The following OPCML variants were observed in gnomAD, a reference collection of about 807,000 sequenced individuals.
OPCML encodes opioid binding protein/cell adhesion molecule like.
OPCML carries 13 observed loss-of-function variants against 37.8 expected under a neutral mutation model. The ratio of observed to expected loss-of-function variants is 0.34; its 90% CI spans 0.22 to 0.55. The LOEUF (loss-of-function observed/expected upper bound fraction) is 0.55. Among genes scored for constraint, OPCML ranks in the 20% least tolerant of loss-of-function variants. The probability of loss-of-function intolerance (pLI) is 0.91; values close to 1 mark genes in which losing one functional copy is unlikely to be tolerated. For synonymous variants in OPCML, 176 were observed against 168.8 expected (o/e 1.04, Z -0.33); for missense variants, 341 against 435.6 (o/e 0.78, Z 1.93).
In OPCML at chr11:132,948,549, C is replaced by T. The variant is rs551323070; in HGVS notation, c.62-5539G>A. Among the ~76,000 whole-genome samples, 12 of 152,206 alleles carry T rather than the reference C, an allele frequency of 7.9e-5. No individual in the cohort carries two copies. The South Asian group carries it at 2.1e-3, about 26-fold the overall frequency. On this transcript the variant is annotated intron_variant, in intron 1 of 7. Transcript: ENST00000524381. ...TATGGGTTTTGGATGGATTGGTTTT[C>T]TCATAAAGGGCAGGCTCACAGGCAA...
intron 1 of OPCML, among the ~76,000 whole-genome samples, chr11:132,952,196 G>T (rs1361252533): frequency 6.6e-6 from 1 of 152,160 alleles, no homozygotes; most frequent in Non-Finnish European, 1.5e-5. Flanking sequence ...AGACATGGTG[G>T]CTTAGCTTGA....
chr11:133,415,801 T>C (rs1355997023), intron 1 of OPCML, among the ~76,000 whole-genome samples: 2 of 152,132 alleles, frequency 1.3e-5, no homozygotes, highest in African/African-American at 2.4e-5. Flanking sequence ...GAGGTCATGA[T>C]GAGAAGGAGT....
At chr11:132,792,172 G>A (rs1012039133) in intron 2 of OPCML, among the ~76,000 whole-genome samples, 2 of 151,922 alleles carry the variant, frequency 1.3e-5, no homozygotes, top group East Asian at 1.9e-4. Flanking sequence ...CAATTGTAGC[G>A]TATTCCATCT....
chr11:132,825,616 A>G (rs1042769760), intron 2 of OPCML, among the ~76,000 whole-genome samples: 2 of 152,232 alleles, frequency 1.3e-5, no homozygotes, highest in Non-Finnish European at 1.5e-5. Flanking sequence ...TTTCCTCAAT[A>G]TAAAGGATTT....
At chr11:132,460,235 T>C (rs1007682317) in intron 4 of OPCML, among the ~76,000 whole-genome samples, 2 of 151,892 alleles carry the variant, frequency 1.3e-5, no homozygotes, top group Admixed American at 1.3e-4. Context: ...TTTTTTACTG[T>C]GAGTTTGTGG....
intron 1 of OPCML, among the ~76,000 whole-genome samples, chr11:133,166,200 C>G (rs1015926814): frequency 2.0e-5 from 3 of 152,184 alleles, no homozygotes; most frequent in Admixed American, 2.0e-4. Flanking sequence ...ACAAGATCCT[C>G]ACAGTTCAGT....
rs536381222 is a variant in OPCML, at chr11:133,512,625, G to A, written c.61+19639C>T. ...TCCCAACCTTCCAATCACATGTTTGGTTCCCCTGGCAACAAGATCACATCA... is the reference window on the plus strand; with the variant it reads ...TCCCAACCTTCCAATCACATGTTTGATTCCCCTGGCAACAAGATCACATCA... On this transcript the variant is annotated intron_variant, in intron 1 of 7. Coordinates refer to ENST00000524381, the MANE Select transcript of OPCML (RefSeq NM_001012393.5). Among the ~76,000 whole-genome samples, 12 of 152,206 alleles carry A rather than the reference G, an allele frequency of 7.9e-5. 1 individual carries two copies. In the South Asian group the frequency reaches 2.5e-3, roughly 32 times the overall value.
chr11:133,150,629 G>A (rs1208865064), intron 1 of OPCML, among the ~76,000 whole-genome samples: 1 of 152,150 alleles, frequency 6.6e-6, no homozygotes, highest in African/African-American at 2.4e-5. Flanking sequence ...GCTGCCTCAT[G>A]GCACTATAAG....
At chr11:132,453,087 G>A (rs1415973506) in intron 4 of OPCML, among the ~76,000 whole-genome samples, 1 of 152,150 alleles carries the variant, frequency 6.6e-6, no homozygotes, top group African/African-American at 2.4e-5. Flanking sequence ...TGACTGTTAT[G>A]ACTTCCTTGA....
chr11:132,717,591 T>C (rs140096440), intron 2 of OPCML, among the ~76,000 whole-genome samples: 237 of 152,314 alleles, frequency 1.6e-3, no homozygotes, highest in Admixed American at 4.5e-3. Context: ...TCTCCATACT[T>C]TCTATATTTT....
rs116693467 is a variant in OPCML at position 133,149,171 on chromosome 11, T to G, written c.62-206161A>C. On this transcript the variant is annotated intron_variant, in intron 1 of 7. Coordinates refer to ENST00000524381, the MANE Select transcript of OPCML (RefSeq NM_001012393.5). Reference sequence around the variant, plus strand: ...TGTCCTCTTCATCTCTGAAGGTCTGTTATTTAGGTTTTGTGGTTTGTTCGT... The same window carrying G: ...TGTCCTCTTCATCTCTGAAGGTCTGGTATTTAGGTTTTGTGGTTTGTTCGT... Among the ~76,000 whole-genome samples, 461 of 152,290 alleles carry G rather than the reference T, an allele frequency of 3.0e-3. 1 individual carries two copies. The highest frequency in any genetic ancestry group is 0.01 in the African/African-American group (433 of 41,552).
At chr11:132,791,981 G>A (rs1455108899) in intron 2 of OPCML, among the ~76,000 whole-genome samples, 1 of 152,174 alleles carries the variant, frequency 6.6e-6, no homozygotes, top group Non-Finnish European at 1.5e-5. Flanking sequence ...AGGAACAAAT[G>A]AGAGAAAGAG....
At chr11:132,515,310 AC>A (rs2096277304) in intron 4 of OPCML, among the ~76,000 whole-genome samples, 1 of 152,162 alleles carries the variant, frequency 6.6e-6, no homozygotes, top group Admixed American at 6.5e-5. Flanking sequence ...GAAAGGAAAA[AC>A]AAAAGACAGG....
At chr11:133,008,399 TG>T in intron 1 of OPCML, 1 of 985,358 alleles carries the variant, frequency 1.0e-6, no homozygotes, top group Non-Finnish European at 1.2e-6. Flanking sequence ...CATCCGAGAT[TG>T]TGCTCAGGAG....
intron 2 of OPCML, among the ~76,000 whole-genome samples, chr11:132,663,015 G>T (rs927291493): frequency 5.3e-5 from 8 of 152,154 alleles, no homozygotes; most frequent in African/African-American, 1.9e-4. Context: ...CCTAAAACAG[G>T]GTGCATACCT....
At chr11:132,550,637 A>C (rs2096379471) in intron 3 of OPCML, among the ~76,000 whole-genome samples, 1 of 152,214 alleles carries the variant, frequency 6.6e-6, no homozygotes, top group Admixed American at 6.5e-5. Flanking sequence ...ATGGCCTAAG[A>C]GGGCATCTCT....
chr11:132,533,153 A>T (rs955040306), intron 3 of OPCML, among the ~76,000 whole-genome samples: 5 of 152,236 alleles, frequency 3.3e-5, no homozygotes, highest in African/African-American at 1.2e-4. Flanking sequence ...AATAAGTAGC[A>T]CAGTGTGTTA....
At chr11:132,834,809 C>T (rs139340407) in intron 2 of OPCML, among the ~76,000 whole-genome samples, 36 of 152,272 alleles carry the variant, frequency 2.4e-4, no homozygotes, top group South Asian at 1.0e-3. Flanking sequence ...TTCAACATAT[C>T]TTTTTGGGGA....
chr11:132,847,765 G>A (rs950234990), intron 2 of OPCML, among the ~76,000 whole-genome samples: 2 of 152,138 alleles, frequency 1.3e-5, no homozygotes, highest in Admixed American at 6.5e-5. Context: ...TTTTAGTATT[G>A]ATTTTTCTCC....
Sources: gnomAD v4.1 joint callset for allele counts (sites outside exome capture counted in the v4.1 genomes callset) on GRCh38, gnomAD v4.1.1 for gene constraint, MANE v1.5 for transcripts, NCBI Gene and HGNC (gene_info 2026-07-23, HGNC 2026-07-21) for gene names.